The following ALDOA variants were observed in gnomAD, a reference collection of about 807,000 sequenced individuals.
The protein encoded by ALDOA is aldolase, fructose-bisphosphate A.
ALDOA carries 26 observed loss-of-function variants against 43.9 expected under a neutral mutation model. The observed-to-expected ratio is 0.59, with a 90% CI of 0.43 to 0.82. ALDOA has a LOEUF of 0.82. Among genes scored for constraint, ALDOA ranks in the 40% least tolerant of loss-of-function variants. ALDOA has a pLI of 0.00. For missense variants in ALDOA, 498 were observed against 549.5 expected, an observed-to-expected ratio of 0.91 and a Z score of 0.94; for synonymous variants, 258 against 222.6, an observed-to-expected ratio of 1.16 and a Z score of -1.42.
At position 30,069,620 on chromosome 16, in the gene ALDOA, T is replaced by C; in HGVS notation, c.908T>C (p.Ile303Thr). The C allele has an allele frequency of 6.2e-7, 1 of 1,613,962 alleles. No individual in the cohort carries two copies. Among genetic ancestry groups the C allele is most frequent in the Non-Finnish European group, 8.5e-7 (1 of 1,180,014 alleles). Reference protein sequence around the residue: ...ACTQKFSHEEIAMATVTALRR... With the variant: ...ACTQKFSHEETAMATVTALRR... Reference sequence around the variant, plus strand: ...ACTCAGAAGTTTTCTCATGAGGAGATTGCCATGGCGACCGTCACAGCGCTG... The same window carrying C: ...ACTCAGAAGTTTTCTCATGAGGAGACTGCCATGGCGACCGTCACAGCGCTG... Residue 303 changes from isoleucine (I) to threonine (T), a missense_variant, in exon 8 of 10, where the codon ATT becomes ACT. Transcript: ENST00000642816.
At chr16:30,066,484 C>G (rs936915724) in intron 1 of ALDOA, among the ~76,000 whole-genome samples, 1 of 152,240 alleles carries the variant, frequency 6.6e-6, no homozygotes, top group Non-Finnish European at 1.5e-5. Flanking sequence ...ACGTTCTTGC[C>G]CCGTAGGAAC....
At chr16:30,067,161 A>G in intron 2 of ALDOA, 73 bp from the exon 3 acceptor site, 1 of 1,603,142 alleles carries the variant, frequency 6.2e-7, no homozygotes, top group Non-Finnish European at 8.5e-7. Flanking sequence ...CCTCCAGGAG[A>G]GGGGCCCTGG....
chr16:30,067,508 C>T lies in ALDOA; in HGVS notation c.333C>T (p.Arg111=). 1.9e-6 allele frequency: 3 copies of T among 1,613,848 alleles called. No individual in the cohort carries two copies. The highest frequency in any genetic ancestry group is 2.5e-6 in the Non-Finnish European group (3 of 1,180,014). The change falls in exon 4 of 10, where the codon CGC becomes CGT. Residue 111 remains arginine, a synonymous_variant. Coordinates refer to ENST00000642816, the MANE Select transcript of ALDOA (RefSeq NM_001243177.4). ...IGTENTEENR[R]FYRQLLLTAD... ...CCGAGAACACCGAGGAGAACCGGCG[C>T]TTCTACCGCCAGCTGCTGCTGACAG...
intron 4 of ALDOA, 31 bp from the exon 5 acceptor site, chr16:30,068,615 T>C: frequency 6.2e-7 from 1 of 1,612,952 alleles, no homozygotes; most frequent in Non-Finnish European, 8.5e-7. Flanking sequence ...TCATTTCCTG[T>C]GTCTTAATGT....
At position 30,069,404 on chromosome 16, in the gene ALDOA, G is replaced by A; in HGVS notation, c.786+15G>A. Reference sequence around the variant, plus strand: ...TGACCGAGAAGGTAAATGGCTACCTGCCTGACCAGTGCAAGGTGGCTGGCC... The same window carrying A: ...TGACCGAGAAGGTAAATGGCTACCTACCTGACCAGTGCAAGGTGGCTGGCC... On this transcript the variant is annotated intron_variant, in intron 7 of 9. Transcript: ENST00000642816. 6.2e-7 allele frequency: 1 copy of A among 1,614,076 alleles called. No individual in the cohort carries two copies. Among genetic ancestry groups the A allele is most frequent in the Non-Finnish European group, 8.5e-7 (1 of 1,179,982 alleles).
upstream of ALDOA, chr16:30,065,570 A>AG (rs936808559): frequency 6.6e-6 from 1 of 151,564 alleles, no homozygotes; most frequent in Non-Finnish European, 1.5e-5. Flanking sequence ...GTCACGTCCG[A>AG]GGGGGGTGGG....
chr16:30,064,493 C>T, upstream of ALDOA: 1 of 398,756 alleles, frequency 2.5e-6, no homozygotes, highest in Non-Finnish European at 4.4e-6. Context: ...GAAGAATTTC[C>T]TCTGAAGCAC....
At position 30,067,476 on chromosome 16, in the gene ALDOA, A is replaced by G. The variant is rs1596810163; in HGVS notation, c.301A>G (p.Ile101Val). ...GAGCATTGCCAAGCGGCTGCAGTCC[A>G]TTGGCACCGAGAACACCGAGGAGAA... Reference protein sequence around the residue: ...TGSIAKRLQSIGTENTEENRR... With the variant: ...TGSIAKRLQSVGTENTEENRR... Residue 101 changes from isoleucine to valine, a missense_variant, in exon 4 of 10, where the codon ATT (isoleucine) becomes GTT (valine). Transcript: ENST00000642816. The G allele has an allele frequency of 6.2e-7, 1 of 1,613,212 alleles. No homozygotes were observed. The highest frequency in any genetic ancestry group is 8.5e-7 in the Non-Finnish European group (1 of 1,179,972).
chr16:30,069,376 A>G lies in ALDOA; in HGVS notation c.773A>G (p.Tyr258Cys), dbSNP rs1437380454. ...GACCATGACTTGAAGCGCTGCCAGT[A>G]TGTGACCGAGAAGGTAAATGGCTAC... is the stretch of plus-strand genomic sequence containing the variant. ...DGDHDLKRCQ[Y>C]VTEKVLAAVY... The change falls in exon 7 of 10, where the codon TAT becomes TGT. Residue 258 changes from tyrosine (Y) to cysteine (C), a missense_variant. Physicochemically the swap from Tyr to Cys is radical, Grantham distance 194 (BLOSUM62 -2). Coordinates refer to ENST00000642816, the MANE Select transcript of ALDOA (RefSeq NM_001243177.4). 1.9e-6 allele frequency: 3 copies of G among 1,614,108 alleles called. No homozygotes were observed. The highest frequency in any genetic ancestry group is 2.2e-5 in the South Asian group (2 of 91,072).
chr16:30,069,062 C>T (rs1387329049), intron 6 of ALDOA, 84 bp downstream of exon 6: 15 of 1,588,322 alleles, frequency 9.4e-6, no homozygotes, highest in Non-Finnish European at 1.2e-5. Flanking sequence ...GCCATGATGC[C>T]TACCTCCCCA....
At chr16:30,067,766 G>C in intron 4 of ALDOA, 105 bp downstream of exon 4, 1 of 1,334,486 alleles carries the variant, frequency 7.5e-7, no homozygotes, top group Non-Finnish European at 1.1e-6. Flanking sequence ...CTAGAGACTT[G>C]CATGGAGCCT....
intron 1 of ALDOA, 146 bp from the exon 2 acceptor site, chr16:30,066,738 TA>T: frequency 2.3e-6 from 2 of 855,194 alleles, no homozygotes; most frequent in Non-Finnish European, 3.6e-6. Flanking sequence ...AGCTGGGTTC[TA>T]ATCTCAGATC....
Position 30,070,344 on chromosome 16 carries a change from G to A in ALDOA, c.*132G>A. On this transcript the variant is annotated 3_prime_UTR_variant, in exon 10 of 10. Coordinates refer to ENST00000642816, the MANE Select transcript of ALDOA (RefSeq NM_001243177.4). Reference sequence around the variant, plus strand: ...TCTTCCCTCGTGACAGTGGTGTGTGGTGTCGTCTGTGAATGCTAAGTCCAT... The same window carrying A: ...TCTTCCCTCGTGACAGTGGTGTGTGATGTCGTCTGTGAATGCTAAGTCCAT... 10 of 802,358 alleles carry A rather than the reference G, an allele frequency of 1.2e-5. 1 individual carries two copies. The highest frequency in any genetic ancestry group is 1.2e-4 in the South Asian group (8 of 67,964). 49.7% of individuals were successfully genotyped at this position (802,358 alleles called of 1,614,324 possible). A position where few individuals can be genotyped will look rare whatever the true frequency, so the allele number is the denominator to read the frequency against.
chr16:30,067,273 G>A lies in ALDOA; in HGVS notation c.181G>A (p.Ala61Thr), dbSNP rs150003720. The A allele has an allele frequency of 5.9e-5, 95 of 1,612,328 alleles. No individual in the cohort carries two copies. The highest frequency in any genetic ancestry group is 3.7e-4 in the Admixed American group (22 of 60,004). The change falls in exon 3 of 10, where the codon GCA (alanine) becomes ACA (threonine). Residue 61 changes from alanine (A) to threonine (T), a missense_variant. Transcript: ENST00000642816. ...CAGCACCATGCCCTACCAATATCCA[G>A]CACTGACCCCGGAGCAGAAGAAGGA... Reference protein sequence around the residue: ...TTSTMPYQYPALTPEQKKELS... With the variant: ...TTSTMPYQYPTLTPEQKKELS...
intron 1 of ALDOA, 143 bp from the exon 2 acceptor site, chr16:30,066,742 C>G (rs926683182): frequency 1.3e-5 from 12 of 899,210 alleles, no homozygotes; most frequent in Non-Finnish European, 2.0e-5. Flanking sequence ...GGGTTCTAAT[C>G]TCAGATCTGG....
chr16:30,069,238 C>T, intron 6 of ALDOA, 68 bp from the exon 7 acceptor site: 1 of 1,539,026 alleles, frequency 6.5e-7, no homozygotes, highest in South Asian at 1.1e-5. Context: ...TGACCAGTGG[C>T]TGTGGAGAGA....
rs781380448 is a variant in ALDOA at position 30,068,684 on chromosome 16, C to T, written c.525C>T (p.Gly175=). ...TGGTCCCCCTGGCAGGGACAAATGG[C>T]GAGACTACCACCCAAGGTGAGAACT... ...KGVVPLAGTN[G]ETTTQGLDGL... is the part of the protein sequence containing the mutation. Residue 175 remains glycine, a synonymous_variant, in exon 5 of 10, where the codon GGC becomes GGT. Coordinates refer to ENST00000642816, the MANE Select transcript of ALDOA (RefSeq NM_001243177.4). 7.9e-5 allele frequency: 127 copies of T among 1,614,098 alleles called. No homozygotes were observed. The highest frequency in any genetic ancestry group is 9.8e-5 in the Non-Finnish European group (116 of 1,180,050).
At chr16:30,066,266 G>GC (rs2072099939) in intron 1 of ALDOA, 1 of 152,502 alleles carries the variant, frequency 6.6e-6, no homozygotes, top group South Asian at 2.0e-4. Context: ...CCCATGTACA[G>GC]CCCCAGGGTT....
intron 1 of ALDOA, 132 bp from the exon 2 acceptor site, chr16:30,066,753 C>T (rs2072119989): frequency 6.1e-6 from 6 of 990,360 alleles, no homozygotes; most frequent in South Asian, 3.5e-5. Flanking sequence ...TCAGATCTGG[C>T]TCCGGGGTTG....
Sources: allele counts gnomAD v4.1 joint callset (sites outside exome capture counted in the v4.1 genomes callset), GRCh38; gene constraint gnomAD v4.1.1; transcripts MANE v1.5; gene names NCBI Gene and HGNC (gene_info 2026-07-23, HGNC 2026-07-21).